STMN1: variants seen among roughly 807,000 people sequenced by gnomAD.
STMN1 encodes the protein stathmin 1, also known as stathmin.
STMN1 carries 3 observed loss-of-function variants against 19.7 expected under a neutral mutation model. The ratio of observed to expected loss-of-function variants is 0.15; its 90% CI spans 0.07 to 0.39. The LOEUF (loss-of-function observed/expected upper bound fraction) is 0.39. STMN1 is among the 10% of genes least tolerant of loss of function. STMN1 has a pLI of 1.00. For missense variants in STMN1, 99 were observed against 176.0 expected, an observed-to-expected ratio of 0.56 and a Z score of 2.48; for synonymous variants, 59 against 58.9, an observed-to-expected ratio of 1.00 and a Z score of -0.01.
chr1:25,886,604 T>C (rs1340195506), intron 4 of STMN1, among the ~76,000 whole-genome samples: 1 of 105,024 alleles, frequency 9.5e-6, no homozygotes, highest in Non-Finnish European at 2.0e-5. Context: ...TTTTTTTTGG[T>C]GGGGGATGGA....
At position 25,900,978 on chromosome 1, in the gene STMN1, A is replaced by AG; in HGVS notation, c.*37dup. 1.2e-6 allele frequency: 2 copies of AG among 1,611,920 alleles called. No individual in the cohort carries two copies. On this transcript the variant is annotated 3_prime_UTR_variant, in exon 5 of 5. Coordinates refer to ENST00000455785, the MANE Select transcript of STMN1 (RefSeq NM_005563.4). ...TGGCCAGTACAGTCTTTGGATATTT[A>AG]GGAAGGGGATGGGGAGAAAGTCAGT...
chr1:25,901,232 A>T, intron 4 of STMN1, 145 bp from the exon 5 acceptor site: 1 of 1,425,714 alleles, frequency 7.0e-7, no homozygotes, highest in Non-Finnish European at 9.3e-7. Context: ...ACACAATTTA[A>T]GTTCTGAGAC....
chr1:25,901,288 C>A, intron 4 of STMN1: 1 of 1,150,048 alleles, frequency 8.7e-7, no homozygotes. Flanking sequence ...TAACAAGCTG[C>A]CTACTGGACT....
In STMN1 at chr1:25,900,135, A is replaced by G. The variant is rs1386893606; in HGVS notation, c.*881T>C. On this transcript the variant is annotated 3_prime_UTR_variant, in exon 5 of 5. Transcript: ENST00000455785. ...CAGGAGTTGCTACAGCAGTACATAA[A>G]GTTTTATTAATATTCTGATTCTCGT... 1.0e-6 allele frequency: 1 copy of G among 985,686 alleles called. No individual in the cohort carries two copies. The highest frequency in any genetic ancestry group is 1.2e-6 in the Non-Finnish European group (1 of 829,930). 61.1% of individuals were successfully genotyped at this position (985,686 alleles called of 1,614,324 possible).
exon 5 of STMN1, chr1:25,885,772 C>T: frequency 1.3e-6 from 2 of 1,551,698 alleles, no homozygotes; most frequent in East Asian, 2.4e-5. Context: ...AGATTGGAGG[C>T]CCAGGGCTGG....
rs577278053 is a variant in STMN1 at position 25,900,297 on chromosome 1, A to G, written c.*719T>C. The G allele has an allele frequency of 2.5e-4, 249 of 985,890 alleles. 1 individual carries two copies. The African/African-American group carries it at 2.5e-3, about 10-fold the overall frequency. 61.1% of individuals were successfully genotyped at this position (985,890 alleles called of 1,614,324 possible). A position where few individuals can be genotyped will look rare whatever the true frequency, so the allele number is the denominator to read the frequency against. ...CGCTTGTGCTTTTAATCTGCCTTTT[A>G]AAAGGGACACAGAACAAAAAATGGT... On this transcript the variant is annotated 3_prime_UTR_variant, in exon 5 of 5. Transcript: ENST00000455785.
At chr1:25,891,185 T>G (rs1048501814) in intron 4 of STMN1, among the ~76,000 whole-genome samples, 7 of 151,758 alleles carry the variant, frequency 4.6e-5, no homozygotes, top group Non-Finnish European at 8.8e-5. Context: ...ATACAAAAAT[T>G]TGCCGGGCAT....
intron 4 of STMN1, among the ~76,000 whole-genome samples, chr1:25,888,244 C>T (rs1368681260): frequency 3.3e-5 from 5 of 152,124 alleles, no homozygotes; most frequent in East Asian, 3.9e-4. Context: ...GCTAACATCA[C>T]GAGTGGGTGA....
At chr1:25,884,755 T>A (rs924574564), downstream of STMN1, 1 of 152,444 alleles carries the variant, frequency 6.6e-6, no homozygotes, top group African/African-American at 2.4e-5. Flanking sequence ...ATAAAGGGCC[T>A]TGCCAAGGCT....
intron 4 of STMN1, among the ~76,000 whole-genome samples, chr1:25,892,947 AG>A: frequency 6.6e-6 from 1 of 152,242 alleles, no homozygotes; most frequent in Non-Finnish European, 1.5e-5. Context: ...GCGCTTCTCA[AG>A]CTCAATTTAA....
intron 3 of STMN1, chr1:25,902,609 TC>T (rs1557484458): frequency 6.6e-6 from 1 of 152,208 alleles, no homozygotes; most frequent in Non-Finnish European, 1.5e-5. Context: ...TTCTATTGAT[TC>T]TCTTCTGCCA....
intron 4 of STMN1, 135 bp from the exon 5 acceptor site, chr1:25,901,222 A>C (rs2048870090): frequency 6.9e-7 from 1 of 1,452,290 alleles, no homozygotes; most frequent in Admixed American, 2.6e-5. Context: ...TGTGGGAACC[A>C]CACAATTTAA....
At chr1:25,886,111 G>GGGGTGT (rs2048719123) in intron 4 of STMN1, among the ~76,000 whole-genome samples, 1 of 152,148 alleles carries the variant, frequency 6.6e-6, no homozygotes, top group East Asian at 1.9e-4. Flanking sequence ...AGGCAGGAAC[G>GGGGTGT]GGGTGTGGGG....
intron 4 of STMN1, chr1:25,889,191 C>T (rs780159728): frequency 2.3e-5 from 7 of 300,450 alleles, no homozygotes; most frequent in Middle Eastern, 1.3e-3. Context: ...AAAATGTCAC[C>T]GTTATCTGCA....
At position 25,900,727 on chromosome 1, in the gene STMN1, A is replaced by G. The variant is rs973344356; in HGVS notation, c.*289T>C. The G allele has an allele frequency of 1.7e-6, 2 of 1,180,776 alleles. No individual in the cohort carries two copies. Among genetic ancestry groups the G allele is most frequent in the East Asian group, 4.3e-5 (1 of 23,180 alleles). 73.1% of individuals were successfully genotyped at this position (1,180,776 alleles called of 1,614,324 possible). On this transcript the variant is annotated 3_prime_UTR_variant, in exon 5 of 5. Transcript: ENST00000455785. ...AAATATGTTTTCACAGAGCCAATAC[A>G]GTACTAGCCATTAACCCAGTACACC...
In STMN1 at chr1:25,900,327, T is replaced by C. The variant is rs1392511407; in HGVS notation, c.*689A>G. 1.0e-6 allele frequency: 1 copy of C among 985,758 alleles called. No individual in the cohort carries two copies. Among genetic ancestry groups the C allele is most frequent in the African/African-American group, 1.7e-5 (1 of 57,236 alleles). 61.1% of individuals were successfully genotyped at this position (985,758 alleles called of 1,614,324 possible). A position where few individuals can be genotyped will look rare whatever the true frequency, so the allele number is the denominator to read the frequency against. On this transcript the variant is annotated 3_prime_UTR_variant, in exon 5 of 5. Transcript: ENST00000455785. ...GGACACAGAACAAAAAATGGTTGTT[T>C]GCAAATAAACATCTGAAAGAAAGTA...
At chr1:25,904,585 C>T in intron 2 of STMN1, 79 bp downstream of exon 2, 1 of 1,344,114 alleles carries the variant, frequency 7.4e-7, no homozygotes, top group Non-Finnish European at 1.1e-6. Flanking sequence ...AGTGCCAAAT[C>T]AAAGGCGAAG....
At chr1:25,899,107 G>A (rs1187457721), downstream of STMN1, among the ~76,000 whole-genome samples, 1 of 152,138 alleles carries the variant, frequency 6.6e-6, no homozygotes, top group African/African-American at 2.4e-5. Context: ...GCTCAGGATC[G>A]CCCTCTGATA....
intron 4 of STMN1, among the ~76,000 whole-genome samples, chr1:25,889,489 C>T (rs903952007): frequency 1.3e-5 from 2 of 151,616 alleles, no homozygotes; most frequent in East Asian, 3.9e-4. Context: ...CCCCCCTTCA[C>T]TCAGCTCCCC....
Sources: allele counts gnomAD v4.1 joint callset (sites outside exome capture counted in the v4.1 genomes callset), GRCh38; gene constraint gnomAD v4.1.1; transcripts MANE v1.5; gene names NCBI Gene and HGNC (gene_info 2026-07-23, HGNC 2026-07-21).